The following MARCHF1 variants were observed in gnomAD, a reference collection of about 807,000 sequenced individuals.
MARCHF1 encodes the protein membrane associated ring-CH-type finger 1, also known as E3 ubiquitin-protein ligase MARCHF1.
MARCHF1 carries 40 observed loss-of-function variants against 54.2 expected under a neutral mutation model. The ratio of observed to expected loss-of-function variants is 0.74; its 90% CI spans 0.57 to 0.96. The LOEUF (loss-of-function observed/expected upper bound fraction) is 0.96. Among genes scored for constraint, MARCHF1 ranks in the 40% least tolerant of loss-of-function variants. The pLI, the probability that MARCHF1 is intolerant of heterozygous loss-of-function variation, is 0.00. For missense variants in MARCHF1, 586 were observed against 656.5 expected (o/e 0.89, Z 1.17); for synonymous variants, 236 against 236.3 (o/e 1.00, Z 0.01).
At chr4:164,218,465 A>G (rs1010356592) in intron 1 of MARCHF1, among the ~76,000 whole-genome samples, 1 of 152,086 alleles carries the variant, frequency 6.6e-6, no homozygotes, top group Admixed American at 6.6e-5. Context: ...AATGAGCCAG[A>G]GAAAGGAATA....
intron 2 of MARCHF1, among the ~76,000 whole-genome samples, chr4:164,010,906 A>T (rs1454641027): frequency 6.6e-6 from 1 of 152,188 alleles, no homozygotes; most frequent in Non-Finnish European, 1.5e-5. Flanking sequence ...ACTGGCATAA[A>T]AACAGACACA....
chr4:163,987,463 T>C (rs1221101579), intron 3 of MARCHF1, among the ~76,000 whole-genome samples: 2 of 152,230 alleles, frequency 1.3e-5, no homozygotes, highest in African/African-American at 4.8e-5. Context: ...AATTTATTAG[T>C]CTTTTCCTTT....
chr4:164,264,341 A>C (rs1391126707), intron 1 of MARCHF1, among the ~76,000 whole-genome samples: 1 of 152,122 alleles, frequency 6.6e-6, no homozygotes, highest in Non-Finnish European at 1.5e-5. Flanking sequence ...ATGAGGGTGG[A>C]GTGTGAGAAA....
intron 4 of MARCHF1, among the ~76,000 whole-genome samples, chr4:163,702,872 T>C (rs1744847537): frequency 6.6e-6 from 1 of 152,192 alleles, no homozygotes; most frequent in Non-Finnish European, 1.5e-5. Context: ...CTATTGTTTC[T>C]ACACCAGTAC....
intron 1 of MARCHF1, chr4:164,135,509 G>A (rs939875577): frequency 6.6e-6 from 1 of 152,170 alleles, no homozygotes; most frequent in African/African-American, 2.4e-5. Flanking sequence ...CAACAAGAAG[G>A]AGAAGAAGAA....
chr4:163,765,873 T>C (rs2110845326), intron 4 of MARCHF1, among the ~76,000 whole-genome samples: 1 of 147,840 alleles, frequency 6.8e-6, no homozygotes, highest in East Asian at 2.0e-4. Flanking sequence ...CACACATATA[T>C]ATAATATATA....
chr4:164,220,170 T>C (rs942430403), intron 1 of MARCHF1, among the ~76,000 whole-genome samples: 4 of 151,264 alleles, frequency 2.6e-5, no homozygotes, highest in African/African-American at 9.7e-5. Context: ...CATATTTGTG[T>C]GAGATTTACA....
rs114482094 is a variant in MARCHF1, at chr4:164,021,969, A to C, written c.-247-33260T>G. On this transcript the variant is annotated intron_variant, in intron 2 of 9. Transcript: ENST00000514618. ...GTCTATGGAAATCCAAATGTTCAGC[A>C]ACATTTGTTGAAAAAATATTTTATA... Among the ~76,000 whole-genome samples, 1,252 of 152,226 alleles carry C rather than the reference A, an allele frequency of 8.2e-3. 18 individuals are homozygous for C. Among genetic ancestry groups the C allele is most frequent in the African/African-American group, 0.028 (1,182 of 41,566 alleles).
chr4:163,642,886 T>C (rs1251231329), intron 5 of MARCHF1, among the ~76,000 whole-genome samples: 2 of 151,956 alleles, frequency 1.3e-5, no homozygotes, highest in Admixed American at 1.3e-4. Context: ...AATAAGAAAA[T>C]AGAAAATAAA....
intron 3 of MARCHF1, among the ~76,000 whole-genome samples, chr4:163,920,080 TAGGTAACCACGTGTAA>T (rs57739164): frequency 0.12 from 18,070 of 152,020 alleles, 2,342 homozygotes; most frequent in East Asian, 0.37. Flanking sequence ...AATTTAGAAT[TAGGTAACCACGTGTAA>T]ATGTCCTATG....
At chr4:164,135,429 G>A (rs915564186) in intron 1 of MARCHF1, 1 of 152,232 alleles carries the variant, frequency 6.6e-6, no homozygotes, top group Non-Finnish European at 1.5e-5. Context: ...CAGTTCCACA[G>A]GGTTGGGGAG....
At position 164,162,416 on chromosome 4, in the gene MARCHF1, C is replaced by T. The variant is rs150730218; in HGVS notation, c.-322-50754G>A. ...GGAAGAATAGGAAAGGGAATATGACCGAATCCAGAGAGGGCAGCTGTGAGG... is the reference window on the plus strand; with the variant it reads ...GGAAGAATAGGAAAGGGAATATGACTGAATCCAGAGAGGGCAGCTGTGAGG... On this transcript the variant is annotated intron_variant, in intron 1 of 9. Transcript: ENST00000514618. 1.7e-3 allele frequency among the ~76,000 whole-genome samples: 256 copies of T among 152,074 alleles called. 1 individual carries two copies. The highest frequency in any genetic ancestry group is 6.0e-3 in the African/African-American group (249 of 41,498).
chr4:164,253,835 C>T (rs555188349), intron 1 of MARCHF1, among the ~76,000 whole-genome samples: 1 of 152,020 alleles, frequency 6.6e-6, no homozygotes, highest in Non-Finnish European at 1.5e-5. Flanking sequence ...TAATGAAATA[C>T]TACTCAGCAT....
chr4:164,000,378 T>C (rs1212056964), intron 2 of MARCHF1, among the ~76,000 whole-genome samples: 1 of 151,762 alleles, frequency 6.6e-6, no homozygotes, highest in Non-Finnish European at 1.5e-5. Flanking sequence ...AGATGGTAGT[T>C]GCCAGGGATG....
At chr4:164,118,607 G>C (rs1755991448) in intron 1 of MARCHF1, among the ~76,000 whole-genome samples, 1 of 151,386 alleles carries the variant, frequency 6.6e-6, no homozygotes, top group Admixed American at 6.6e-5. Flanking sequence ...TAAATGTCCA[G>C]TTTAATATAT....
At chr4:164,369,274 T>C (rs1730965872) in intron 1 of MARCHF1, among the ~76,000 whole-genome samples, 1 of 152,144 alleles carries the variant, frequency 6.6e-6, no homozygotes, top group Non-Finnish European at 1.5e-5. Flanking sequence ...ATTAATCCCT[T>C]TACTACAACT....
chr4:163,817,949 T>C (rs1407332167), intron 4 of MARCHF1, among the ~76,000 whole-genome samples: 1 of 98,308 alleles, frequency 1.0e-5, no homozygotes, highest in African/African-American at 4.2e-5. Context: ...CATCACACTC[T>C]GGGGACTGTT....
chr4:163,618,418 A>AG (rs1189586948), intron 5 of MARCHF1, among the ~76,000 whole-genome samples: 6 of 152,270 alleles, frequency 3.9e-5, no homozygotes, highest in Middle Eastern at 3.4e-3. Flanking sequence ...CACTCTTCAG[A>AG]GGGGCGGTTC....
chr4:163,920,821 CTA>C (rs1291117622), intron 3 of MARCHF1, among the ~76,000 whole-genome samples: 1 of 151,814 alleles, frequency 6.6e-6, no homozygotes, highest in Non-Finnish European at 1.5e-5. Flanking sequence ...TGAAAAATAA[CTA>C]TGTCTCTATG....
Sources: allele counts gnomAD v4.1 joint callset (sites outside exome capture counted in the v4.1 genomes callset), GRCh38; gene constraint gnomAD v4.1.1; transcripts MANE v1.5; gene names NCBI Gene and HGNC (gene_info 2026-07-23, HGNC 2026-07-21).